Variants in PKN2 observed in about 807,000 individuals in gnomAD.
PKN2 encodes serine/threonine-protein kinase N2.
In PKN2, 38 loss-of-function variants were observed where a neutral mutation model predicts 119.1. The observed-to-expected ratio is 0.32, with a 90% CI of 0.25 to 0.42. The LOEUF is 0.42. Among genes scored for constraint, PKN2 ranks in the 10% least tolerant of loss-of-function variants. The pLI, the probability that PKN2 is intolerant of heterozygous loss-of-function variation, is 1.00. For missense variants in PKN2, 850 were observed against 1,165.1 expected (o/e 0.73, Z 3.94); for synonymous variants, 390 against 384.9 (o/e 1.01, Z -0.15).
At chr1:88,727,779 T>G (rs1221411125) in intron 1 of PKN2, among the ~76,000 whole-genome samples, 1 of 152,154 alleles carries the variant, frequency 6.6e-6, no homozygotes, top group Non-Finnish European at 1.5e-5. Context: ...ATAGGTGAAG[T>G]GTACAAATCT....
chr1:88,760,493 T>C, intron 3 of PKN2, 117 bp downstream of exon 3: 1 of 554,904 alleles, frequency 1.8e-6, no homozygotes, highest in Non-Finnish European at 3.2e-6. Context: ...ACTGGTGGCA[T>C]GGCACTTTGG....
chr1:88,726,591 G>A (rs1445460918), intron 1 of PKN2, among the ~76,000 whole-genome samples: 1 of 152,034 alleles, frequency 6.6e-6, no homozygotes, highest in Non-Finnish European at 1.5e-5. Context: ...TTTTGTTGAG[G>A]ATTATTACAT....
chr1:88,703,375 C>T (rs922778913), intron 1 of PKN2, among the ~76,000 whole-genome samples: 4 of 151,988 alleles, frequency 2.6e-5, no homozygotes, highest in East Asian at 1.9e-4. Context: ...AAACAACTTC[C>T]GTATATCAGA....
intron 3 of PKN2, among the ~76,000 whole-genome samples, chr1:88,768,015 AG>A (rs746422492): frequency 0.062 from 9,470 of 152,176 alleles, no homozygotes; most frequent in African/African-American, 0.16. Flanking sequence ...TGATTGCCTT[AG>A]TGATTAAAAA....
At chr1:88,794,822 T>C (rs145807000) in intron 8 of PKN2, among the ~76,000 whole-genome samples, 8 of 152,280 alleles carry the variant, frequency 5.3e-5, no homozygotes, top group Middle Eastern at 6.8e-3. Context: ...AAAACCAATG[T>C]TACTCTGAAG....
chr1:88,800,354 A>G (rs977687978), intron 8 of PKN2, among the ~76,000 whole-genome samples: 3 of 152,230 alleles, frequency 2.0e-5, no homozygotes, highest in Non-Finnish European at 4.4e-5. Context: ...CATGATTACA[A>G]TTAACTAATG....
intron 6 of PKN2, among the ~76,000 whole-genome samples, chr1:88,777,049 TG>T (rs34393645): frequency 6.6e-6 from 1 of 152,154 alleles, no homozygotes; most frequent in Non-Finnish European, 1.5e-5. Context: ...TTGCCTACAT[TG>T]GTGTGCTTTA....
chr1:88,690,663 T>G (rs1384501300), intron 1 of PKN2, among the ~76,000 whole-genome samples: 1 of 152,252 alleles, frequency 6.6e-6, no homozygotes, highest in Non-Finnish European at 1.5e-5. Flanking sequence ...TTTTATCTGA[T>G]GAAATCTTGT....
chr1:88,809,931 T>C (rs1671712304), intron 15 of PKN2, among the ~76,000 whole-genome samples: 1 of 151,912 alleles, frequency 6.6e-6, no homozygotes, highest in Non-Finnish European at 1.5e-5. Flanking sequence ...TCTCCACTTT[T>C]CAGTAACATG....
At chr1:88,802,797 A>G (rs1671373936) in intron 8 of PKN2, among the ~76,000 whole-genome samples, 1 of 152,186 alleles carries the variant, frequency 6.6e-6, no homozygotes, top group Non-Finnish European at 1.5e-5. Flanking sequence ...AAAGTGTAAT[A>G]AGAACTTTTA....
chr1:88,716,604 G>A (rs1427156040), intron 1 of PKN2, among the ~76,000 whole-genome samples: 3 of 152,070 alleles, frequency 2.0e-5, no homozygotes, highest in Non-Finnish European at 4.4e-5. Context: ...TATCAGAGAC[G>A]AGGACTGCAA....
chr1:88,746,092 A>T (rs1312205087), intron 2 of PKN2, among the ~76,000 whole-genome samples: 1 of 152,140 alleles, frequency 6.6e-6, no homozygotes, highest in Non-Finnish European at 1.5e-5. Flanking sequence ...TATACCTTTA[A>T]ACCTTATACC....
intron 15 of PKN2, among the ~76,000 whole-genome samples, chr1:88,809,502 A>G (rs1379659842): frequency 1.3e-5 from 2 of 152,212 alleles, no homozygotes; most frequent in Non-Finnish European, 2.9e-5. Context: ...GGCTTCTGCT[A>G]CCTTGTTACG....
At chr1:88,747,258 G>C (rs142748026) in intron 2 of PKN2, among the ~76,000 whole-genome samples, 3 of 152,186 alleles carry the variant, frequency 2.0e-5, no homozygotes, top group African/African-American at 7.2e-5. Context: ...TAAAAGAAAG[G>C]TTGTTAAATC....
At chr1:88,709,198 T>C (rs1324675354) in intron 1 of PKN2, among the ~76,000 whole-genome samples, 1 of 151,766 alleles carries the variant, frequency 6.6e-6, no homozygotes, top group African/African-American at 2.4e-5. Context: ...GGATTACAGG[T>C]GCACACCATC....
chr1:88,810,153 T>C (rs1360301595), intron 15 of PKN2, among the ~76,000 whole-genome samples: 2 of 151,794 alleles, frequency 1.3e-5, no homozygotes, highest in Non-Finnish European at 2.9e-5. Flanking sequence ...GGAGTTTTGC[T>C]CTTGTTGACC....
rs1670364003 is a variant in PKN2 at position 88,781,957 on chromosome 1, C to T, written c.986-2682C>T. ...GCAAAACATTATTGACACTCCACCT[C>T]CCAACGTTAATAGCCTTATTGAGGT... On this transcript the variant is annotated intron_variant, in intron 6 of 21. Coordinates refer to ENST00000370521, the MANE Select transcript of PKN2 (RefSeq NM_006256.4). Among the ~76,000 whole-genome samples, 3 of 152,090 alleles carry T rather than the reference C, an allele frequency of 2.0e-5. No individual in the cohort carries two copies. The South Asian group carries it at 6.2e-4, about 31-fold the overall frequency.
chr1:88,755,212 A>G lies in PKN2; in HGVS notation c.350-5010A>G, dbSNP rs371930972. On this transcript the variant is annotated intron_variant, in intron 2 of 21. Coordinates refer to ENST00000370521, the MANE Select transcript of PKN2 (RefSeq NM_006256.4). ...TTTTCCTTGTTTTGAAATATGTTTC[A>G]CTATGAGAAAGAGTTTAAGAAATAT... is the stretch of plus-strand genomic sequence containing the variant. Among the ~76,000 whole-genome samples the G allele has an allele frequency of 6.6e-5, 10 of 152,296 alleles. No individual in the cohort carries two copies. In the East Asian group the frequency reaches 1.5e-3, roughly 23 times the overall value.
intron 14 of PKN2, 40 bp downstream of exon 14, chr1:88,807,644 A>G (rs1226626790): frequency 1.9e-6 from 3 of 1,568,178 alleles, no homozygotes; most frequent in Admixed American, 3.5e-5. Context: ...TACAACATTA[A>G]TAACTCAAGT....
Sources: gnomAD v4.1 joint callset for allele counts (sites outside exome capture counted in the v4.1 genomes callset) on GRCh38, gnomAD v4.1.1 for gene constraint, MANE v1.5 for transcripts, NCBI Gene and HGNC (gene_info 2026-07-23, HGNC 2026-07-21) for gene names.